The following SGCZ variants were observed in gnomAD, a reference collection of about 807,000 sequenced individuals.
SGCZ encodes sarcoglycan zeta.
A neutral mutation model predicts 41.3 loss-of-function variants in SGCZ; 40 were observed. The observed-to-expected ratio is 0.97, with a 90% CI of 0.75 to 1.26. The LOEUF is 1.26. Ranked by LOEUF, SGCZ falls within the 50% of genes most tolerant of loss-of-function variation. SGCZ has a pLI of 0.00. For missense variants in SGCZ, 552 were observed against 369.8 expected (o/e 1.49, Z -4.04); for synonymous variants, 206 against 137.5 (o/e 1.50, Z -3.49).
chr8:14,994,332 C>G (rs1360049826), intron 1 of SGCZ, among the ~76,000 whole-genome samples: 1 of 152,086 alleles, frequency 6.6e-6, no homozygotes. Flanking sequence ...GCCTGTAATC[C>G]CAGCACTTTG....
intron 3 of SGCZ, among the ~76,000 whole-genome samples, chr8:14,242,001 C>T (rs975215316): frequency 1.3e-5 from 2 of 152,138 alleles, no homozygotes; most frequent in East Asian, 1.9e-4. Context: ...ACTCTGCTAA[C>T]CACTGGATAC....
intron 1 of SGCZ, among the ~76,000 whole-genome samples, chr8:15,038,606 T>G (rs1032072520): frequency 6.6e-6 from 1 of 150,832 alleles, no homozygotes; most frequent in Admixed American, 6.6e-5. Context: ...AATAGGCAAA[T>G]GGAATTGCAT....
At chr8:14,244,306 T>C (rs1324097066) in intron 3 of SGCZ, among the ~76,000 whole-genome samples, 2 of 152,010 alleles carry the variant, frequency 1.3e-5, no homozygotes, top group South Asian at 2.1e-4. Flanking sequence ...CAGAGCAAGG[T>C]TGGTAAAAAT....
chr8:14,765,903 C>A (rs547186496), intron 1 of SGCZ, among the ~76,000 whole-genome samples: 2 of 151,426 alleles, frequency 1.3e-5, no homozygotes, highest in South Asian at 4.2e-4. Flanking sequence ...GGTTGCCAGG[C>A]ACATCATCAC....
intron 6 of SGCZ, among the ~76,000 whole-genome samples, chr8:14,104,944 A>C (rs1401608177): frequency 6.6e-6 from 1 of 151,910 alleles, no homozygotes; most frequent in African/African-American, 2.4e-5. Context: ...TCTCAGATCC[A>C]AAAAAAATCT....
chr8:15,186,385 T>C (rs889803393), intron 1 of SGCZ, among the ~76,000 whole-genome samples: 1 of 151,652 alleles, frequency 6.6e-6, no homozygotes, highest in Non-Finnish European at 1.5e-5. Flanking sequence ...AGTCGGGTAT[T>C]AAGTACTTTT....
chr8:14,320,122 G>C (rs1451958856), intron 3 of SGCZ, among the ~76,000 whole-genome samples: 1 of 151,090 alleles, frequency 6.6e-6, no homozygotes, highest in Non-Finnish European at 1.5e-5. Flanking sequence ...TTTTTTCTGA[G>C]TGTAAAGACT....
intron 1 of SGCZ, among the ~76,000 whole-genome samples, chr8:14,935,591 T>C (rs1006842637): frequency 1.3e-5 from 2 of 151,884 alleles, no homozygotes; most frequent in African/African-American, 4.8e-5. Context: ...AGAGTATTGA[T>C]AAAACTTAGA....
chr8:14,944,822 T>C (rs563845891), intron 1 of SGCZ, among the ~76,000 whole-genome samples: 1 of 152,102 alleles, frequency 6.6e-6, no homozygotes, highest in Non-Finnish European at 1.5e-5. Context: ...TGAAGGCATA[T>C]CCCTCTCACA....
intron 1 of SGCZ, among the ~76,000 whole-genome samples, chr8:15,166,906 T>A (rs774103765): frequency 8.5e-5 from 13 of 152,192 alleles, no homozygotes; most frequent in Non-Finnish European, 1.8e-4. Flanking sequence ...CACAAAGAGC[T>A]GAAATGTTCA....
chr8:14,705,816 T>C (rs1385050977), intron 1 of SGCZ, among the ~76,000 whole-genome samples: 2 of 152,180 alleles, frequency 1.3e-5, no homozygotes, highest in East Asian at 1.9e-4. Flanking sequence ...CCCTTTTTTA[T>C]TCAGTACATA....
intron 1 of SGCZ, among the ~76,000 whole-genome samples, chr8:14,614,693 A>G (rs1403325213): frequency 6.6e-6 from 1 of 152,140 alleles, no homozygotes; most frequent in African/African-American, 2.4e-5. Flanking sequence ...GAAGATGACT[A>G]CAGAGGGAAA....
chr8:14,625,907 G>T (rs573178694), intron 1 of SGCZ, among the ~76,000 whole-genome samples: 17 of 152,188 alleles, frequency 1.1e-4, no homozygotes, highest in African/African-American at 4.1e-4. Flanking sequence ...TGATAATCTG[G>T]ACTACTTGGA....
intron 1 of SGCZ, among the ~76,000 whole-genome samples, chr8:14,584,485 A>G (rs928478997): frequency 6.6e-6 from 1 of 152,178 alleles, no homozygotes; most frequent in African/African-American, 2.4e-5. Context: ...GTGACTACAT[A>G]TATGCCATTA....
At chr8:15,146,652 GT>G (rs1373950364) in intron 1 of SGCZ, among the ~76,000 whole-genome samples, 1 of 152,210 alleles carries the variant, frequency 6.6e-6, no homozygotes, top group Non-Finnish European at 1.5e-5. Flanking sequence ...AAATCTCACA[GT>G]TGAAAGTAAC....
intron 2 of SGCZ, among the ~76,000 whole-genome samples, chr8:14,398,214 A>G (rs527739874): frequency 6.6e-6 from 1 of 152,262 alleles, no homozygotes; most frequent in Admixed American, 6.5e-5. Flanking sequence ...TGTTTCTCTT[A>G]GCTTTTGGAA....
At chr8:15,001,539 C>G (rs950252783) in intron 1 of SGCZ, among the ~76,000 whole-genome samples, 15 of 151,964 alleles carry the variant, frequency 9.9e-5, no homozygotes, top group African/African-American at 3.4e-4. Context: ...ACCATCCTGG[C>G]TAACACAGTG....
chr8:14,192,300 A>G (rs1805129506), intron 4 of SGCZ, among the ~76,000 whole-genome samples: 1 of 152,112 alleles, frequency 6.6e-6, no homozygotes, highest in South Asian at 2.1e-4. Flanking sequence ...TGCTGTATTT[A>G]ATGTTAATAG....
chr8:15,145,280 C>T (rs567246807), intron 1 of SGCZ, among the ~76,000 whole-genome samples: 2 of 152,138 alleles, frequency 1.3e-5, no homozygotes, highest in African/African-American at 2.4e-5. Flanking sequence ...TAATCTAAAG[C>T]GTCACCAAAA....
Sources: gnomAD v4.1 joint callset for allele counts (sites outside exome capture counted in the v4.1 genomes callset) on GRCh38, gnomAD v4.1.1 for gene constraint, MANE v1.5 for transcripts, NCBI Gene and HGNC (gene_info 2026-07-23, HGNC 2026-07-21) for gene names.